TFPI2: variants seen among roughly 807,000 people sequenced by gnomAD.
TFPI2 encodes the protein placental protein 5.
Under a neutral mutation model 23.1 loss-of-function variants are expected in TFPI2, and 23 were observed. The ratio of observed to expected loss-of-function variants is 1.00; its 90% CI spans 0.72 to 1.41. The LOEUF (loss-of-function observed/expected upper bound fraction) is 1.41. Among genes scored for constraint, TFPI2 ranks in the 40% most tolerant of loss-of-function variants. The pLI, the probability that TFPI2 is intolerant of heterozygous loss-of-function variation, is 0.00. For synonymous variants in TFPI2, 119 were observed against 111.7 expected (o/e 1.07, Z -0.41); for missense variants, 291 against 299.6 (o/e 0.97, Z 0.21).
At chr7:93,888,309 T>C (rs1794035821) in intron 3 of TFPI2, among the ~76,000 whole-genome samples, 1 of 152,174 alleles carries the variant, frequency 6.6e-6, no homozygotes, top group African/African-American at 2.4e-5. Context: ...TAACATTCAT[T>C]AATGAATACT....
chr7:93,889,425 T>TATC (rs1716554558), intron 2 of TFPI2, among the ~76,000 whole-genome samples: 1 of 152,114 alleles, frequency 6.6e-6, no homozygotes, highest in Non-Finnish European at 1.5e-5. Context: ...AGCTGTGATG[T>TATC]ATCTTTCAAG....
In TFPI2 at chr7:93,890,574, C is replaced by T; in HGVS notation, c.88+17G>A. 1.9e-6 allele frequency: 3 copies of T among 1,612,196 alleles called. No homozygotes were observed. Among genetic ancestry groups the T allele is most frequent in the Admixed American group, 3.3e-5 (2 of 59,826 alleles). On this transcript the variant is annotated intron_variant, in intron 1 of 4. Coordinates refer to ENST00000222543, the MANE Select transcript of TFPI2 (RefSeq NM_006528.4). ...CTCCGCCGGTTGGGGAGAGAAGCTCCTGGAGCGGCCAGATACCTGTTGGCT... is the reference window on the plus strand; with the variant it reads ...CTCCGCCGGTTGGGGAGAGAAGCTCTTGGAGCGGCCAGATACCTGTTGGCT...
In TFPI2 at chr7:93,889,206, G is replaced by A. The variant is rs757127367; in HGVS notation, c.289C>T (p.Arg97Trp). 6.3e-7 allele frequency: 1 copy of A among 1,578,396 alleles called. No individual in the cohort carries two copies. The highest frequency in any genetic ancestry group is 1.9e-5 in the Admixed American group (1 of 52,972). Residue 97 changes from arginine (R) to tryptophan (W), a missense_variant, in exon 3 of 5, where the codon CGG becomes TGG. Coordinates refer to ENST00000222543, the MANE Select transcript of TFPI2 (RefSeq NM_006528.4). ...WRIEKVPKVC[R>W]LQVSVDDQCE... ...TGGTCGTCCACACTCACTTGCAGCC[G>A]GCAAACTTTGGGAACTTCTAGGAAA... is the stretch of plus-strand genomic sequence containing the variant.
chr7:93,886,583 G>A lies in TFPI2; in HGVS notation c.*237C>T. ...TATTTGCTTTTATATCTTATGCATT[G>A]CAAGAATTCAGTCTCACAAACAGTT... On this transcript the variant is annotated 3_prime_UTR_variant, in exon 5 of 5. Transcript: ENST00000222543. 2.6e-6 allele frequency: 1 copy of A among 387,350 alleles called. No individual in the cohort carries two copies. Among genetic ancestry groups the A allele is most frequent in the Non-Finnish European group, 4.6e-6 (1 of 219,694 alleles). The allele number at this position is 387,350 out of a possible 1,614,324, so 24.0% of individuals were successfully genotyped here. A position where few individuals can be genotyped will look rare whatever the true frequency, so the allele number is the denominator to read the frequency against.
At chr7:93,887,746 A>G (rs964312377) in intron 3 of TFPI2, among the ~76,000 whole-genome samples, 1 of 152,208 alleles carries the variant, frequency 6.6e-6, no homozygotes, top group Non-Finnish European at 1.5e-5. Flanking sequence ...TTCAAGGACA[A>G]TATGTGGCAT....
intron 3 of TFPI2, among the ~76,000 whole-genome samples, chr7:93,887,841 T>C (rs924830355): frequency 6.6e-6 from 1 of 152,218 alleles, no homozygotes; most frequent in Non-Finnish European, 1.5e-5. Flanking sequence ...AATATATGCA[T>C]ACTAATTTCC....
At chr7:93,886,932 C>A in intron 4 of TFPI2, 36 bp from the exon 5 acceptor site, 1 of 1,427,186 alleles carries the variant, frequency 7.0e-7, no homozygotes. Flanking sequence ...AATCATACAT[C>A]TCCAGTCTGT....
chr7:93,886,971 A>T, intron 4 of TFPI2, 75 bp from the exon 5 acceptor site: 1 of 1,097,642 alleles, frequency 9.1e-7, no homozygotes. Context: ...TATTTCTGAT[A>T]AGGTTATTGA....
intron 4 of TFPI2, among the ~76,000 whole-genome samples, 174 bp from the exon 5 acceptor site, chr7:93,887,070 C>T (rs551727839): frequency 6.6e-6 from 1 of 152,236 alleles, no homozygotes; most frequent in African/African-American, 2.4e-5. Flanking sequence ...TATGAAGATA[C>T]AGCTACCGTC....
intron 3 of TFPI2, among the ~76,000 whole-genome samples, chr7:93,888,218 AT>A (rs1794034337): frequency 6.6e-6 from 1 of 152,156 alleles, no homozygotes; most frequent in Admixed American, 6.5e-5. Flanking sequence ...TTAGAAAGAA[AT>A]TTTCAAGTTT....
In TFPI2 at chr7:93,885,400, T is replaced by G. The variant is rs1343409967; in HGVS notation, c.*1420A>C. The stretch of plus-strand genomic sequence containing the variant: ...GGGTTTGAATGCTTAAAGAAATGCT[T>G]TTTCTTTTTTATTTAATTTTGATTA... On this transcript the variant is annotated 3_prime_UTR_variant, in exon 5 of 5. Transcript: ENST00000222543. The G allele has an allele frequency of 6.6e-6, 1 of 152,060 alleles. No individual in the cohort carries two copies. The highest frequency in any genetic ancestry group is 1.5e-5 in the Non-Finnish European group (1 of 67,940). The allele number at this position is 152,060 out of a possible 1,614,324, so 9.4% of individuals were successfully genotyped here. A position where few individuals can be genotyped will look rare whatever the true frequency, so the allele number is the denominator to read the frequency against.
chr7:93,890,093 G>T, intron 2 of TFPI2, 44 bp downstream of exon 2: 1 of 1,507,320 alleles, frequency 6.6e-7, no homozygotes, highest in Non-Finnish European at 8.9e-7. Flanking sequence ...ACCAGCCGCC[G>T]GCGCAAGGAG....
rs199728752 is a variant in TFPI2, at chr7:93,887,473, A to G, written c.461-42T>C. 19 of 1,514,338 alleles carry G rather than the reference A, an allele frequency of 1.3e-5. No individual in the cohort carries two copies. The African/African-American group carries it at 2.0e-4, about 16-fold the overall frequency. The allele number at this position is 1,514,338 out of a possible 1,614,324, so 93.8% of individuals were successfully genotyped here. On this transcript the variant is annotated intron_variant, in intron 3 of 4. Coordinates refer to ENST00000222543, the MANE Select transcript of TFPI2 (RefSeq NM_006528.4). Reference sequence around the variant, plus strand: ...AGAAAATTAGAAATGTTATAATACCAGAATTTTTAAATTATGGTGATTACT... The same window carrying G: ...AGAAAATTAGAAATGTTATAATACCGGAATTTTTAAATTATGGTGATTACT...
intron 3 of TFPI2, among the ~76,000 whole-genome samples, chr7:93,888,664 G>GAA (rs35683220): frequency 5.4e-4 from 76 of 141,190 alleles, no homozygotes; most frequent in African/African-American, 2.0e-3. Context: ...AGAGAAAGAA[G>GAA]AAAAAAAAAA....
intron 2 of TFPI2, 162 bp downstream of exon 2, chr7:93,889,975 G>C (rs1794091384): frequency 3.1e-6 from 2 of 654,762 alleles, no homozygotes; most frequent in Admixed American, 3.4e-5. Context: ...TTGTAAATTT[G>C]TGATTACTTT....
At chr7:93,888,332 G>A (rs1794036190) in intron 3 of TFPI2, among the ~76,000 whole-genome samples, 1 of 151,968 alleles carries the variant, frequency 6.6e-6, no homozygotes, top group Admixed American at 6.5e-5. Flanking sequence ...AATCTTTTAT[G>A]CATAAATTGA....
At position 93,890,185 on chromosome 7, in the gene TFPI2, T is replaced by C. The variant is rs762774677; in HGVS notation, c.223A>G (p.Asn75Asp). The change falls in exon 2 of 5, where the codon AAT becomes GAT. Residue 75 changes from asparagine (N) to aspartate (D), a missense_variant. Physicochemically the swap from Asn to Asp is conservative, Grantham distance 23. Transcript: ENST00000222543. ...LYGGCEGNAN[N>D]FYTWEACDDA... The stretch of plus-strand genomic sequence containing the variant: ...TCGCAAGCCTCCCAGGTGTAGAAAT[T>C]GTTGGCGTTGCCCTCGCAGCCCCCG... 6.2e-7 allele frequency: 1 copy of C among 1,612,660 alleles called. No homozygotes were observed. Among genetic ancestry groups the C allele is most frequent in the African/African-American group, 1.3e-5 (1 of 74,996 alleles).
intron 2 of TFPI2, 29 bp downstream of exon 2, chr7:93,890,108 A>G (rs997442916): frequency 1.3e-6 from 2 of 1,540,322 alleles, no homozygotes; most frequent in Non-Finnish European, 1.8e-6. Flanking sequence ...AAGGAGCGCG[A>G]GAGTCCTGGG....
Position 93,886,877 on chromosome 7 carries a change from C to CTTCTTT in TFPI2, c.645_650dup (p.Lys216_Lys217dup), listed in dbSNP as rs1437478488. 2 of 1,547,368 alleles carry CTTCTTT rather than the reference C, an allele frequency of 1.3e-6. No homozygotes were observed. Among genetic ancestry groups the CTTCTTT allele is most frequent in the African/African-American group, 2.8e-5 (2 of 70,434 alleles). ...TACTGGCAAAGCGAAGCTTTGGCAT[C>CTTCTTT]TTCTTTTTCTTTTTCAAAGCTAAAA... On this transcript the variant is annotated inframe_insertion, in exon 5 of 5. Transcript: ENST00000222543.
Sources: gnomAD v4.1 joint callset for allele counts (sites outside exome capture counted in the v4.1 genomes callset) on GRCh38, gnomAD v4.1.1 for gene constraint, MANE v1.5 for transcripts, NCBI Gene and HGNC (gene_info 2026-07-23, HGNC 2026-07-21) for gene names.